BTBD9: variants seen among roughly 807,000 people sequenced by gnomAD.
BTBD9 encodes BTB/POZ domain-containing protein 9.
A neutral mutation model predicts 64.3 loss-of-function variants in BTBD9; 49 were observed. That is an observed-to-expected ratio of 0.76 (90% CI 0.61 to 0.97). The LOEUF is 0.97. Among genes scored for constraint, BTBD9 ranks in the 50% least tolerant of loss-of-function variants. BTBD9 has a pLI of 0.00. For synonymous variants in BTBD9, 260 were observed against 274.7 expected (o/e 0.95, Z 0.53); for missense variants, 598 against 762.1 (o/e 0.78, Z 2.53).
At chr6:38,475,271 A>G (rs1049682933) in intron 6 of BTBD9, among the ~76,000 whole-genome samples, 7 of 152,322 alleles carry the variant, frequency 4.6e-5, no homozygotes, top group African/African-American at 1.7e-4. Context: ...TCTATTTTCC[A>G]AATTTTCTTC....
intron 6 of BTBD9, among the ~76,000 whole-genome samples, chr6:38,474,734 T>C (rs868050647): frequency 3.8e-4 from 58 of 152,250 alleles, no homozygotes; most frequent in African/African-American, 1.3e-3. Flanking sequence ...CATAGAGATA[T>C]CCTCCTGTCT....
At chr6:38,525,733 C>T (rs887863895) in intron 6 of BTBD9, among the ~76,000 whole-genome samples, 7 of 152,188 alleles carry the variant, frequency 4.6e-5, no homozygotes, top group Admixed American at 4.6e-4. Context: ...GCACTGTGCT[C>T]CTGCTTTAGG....
At chr6:38,626,348 G>A (rs1034540039) in intron 1 of BTBD9, among the ~76,000 whole-genome samples, 16 of 152,056 alleles carry the variant, frequency 1.1e-4, no homozygotes, top group African/African-American at 3.9e-4. Context: ...TTAAATGTAC[G>A]ATTAAATTAT....
intron 8 of BTBD9, among the ~76,000 whole-genome samples, chr6:38,280,566 A>G (rs746710036): frequency 1.3e-5 from 2 of 152,230 alleles, no homozygotes; most frequent in Non-Finnish European, 2.9e-5. Flanking sequence ...CAGGCTATAA[A>G]AAGGAAATTT....
At chr6:38,329,169 T>C (rs566239913) in intron 7 of BTBD9, among the ~76,000 whole-genome samples, 117 of 152,250 alleles carry the variant, frequency 7.7e-4, no homozygotes, top group South Asian at 3.3e-3. Flanking sequence ...TGCCATATTA[T>C]TAGACATTCA....
chr6:38,378,458 G>A (rs1157240137), intron 6 of BTBD9, among the ~76,000 whole-genome samples: 1 of 151,492 alleles, frequency 6.6e-6, no homozygotes, highest in Non-Finnish European at 1.5e-5. Flanking sequence ...TGGCCAGGCT[G>A]GTCCTGACCT....
At chr6:38,638,230 C>T (rs571398468) in intron 1 of BTBD9, among the ~76,000 whole-genome samples, 13 of 152,272 alleles carry the variant, frequency 8.5e-5, no homozygotes, top group African/African-American at 3.1e-4. Context: ...GCACTGGTTA[C>T]CTGCTACTTA....
At chr6:38,564,836 G>A (rs1775415705) in intron 6 of BTBD9, among the ~76,000 whole-genome samples, 1 of 152,086 alleles carries the variant, frequency 6.6e-6, no homozygotes. Context: ...AGCTTGCAGT[G>A]AGCCGAGATT....
intron 9 of BTBD9, among the ~76,000 whole-genome samples, chr6:38,203,316 A>G (rs1762528034): frequency 1.3e-5 from 2 of 152,196 alleles, no homozygotes; most frequent in Admixed American, 1.3e-4. Flanking sequence ...AATTTTTAAA[A>G]ATCTAAAAGT....
Position 38,465,755 on chromosome 6 carries a change from ATG to A in BTBD9, c.1154+111843_1154+111844del, listed in dbSNP as rs1343344540. Among the ~76,000 whole-genome samples the A allele has an allele frequency of 2.3e-3, 85 of 36,964 alleles. 1 individual carries two copies. In the East Asian group the frequency reaches 0.069, roughly 30 times the overall value. 24.2% of individuals were successfully genotyped at this position (36,964 alleles called of 152,430 possible). A position where few individuals can be genotyped will look rare whatever the true frequency, so the allele number is the denominator to read the frequency against. ...TATATATATATATATATATATATAT[ATG>A]TATGTATGTATGTATTTCAGTTATT... On this transcript the variant is annotated intron_variant, in intron 6 of 10. Transcript: ENST00000481247.
At chr6:38,309,719 A>C (rs1013739873) in intron 7 of BTBD9, among the ~76,000 whole-genome samples, 2 of 151,480 alleles carry the variant, frequency 1.3e-5, no homozygotes, top group Non-Finnish European at 2.9e-5. Context: ...CCTATTTAAT[A>C]ATTTTTTTTA....
intron 6 of BTBD9, among the ~76,000 whole-genome samples, chr6:38,378,759 A>G (rs73424720): frequency 0.014 from 2,082 of 151,424 alleles, 44 homozygotes; most frequent in African/African-American, 0.047. Flanking sequence ...CTGTAATCTC[A>G]GCTACTCGGG....
intron 6 of BTBD9, among the ~76,000 whole-genome samples, chr6:38,372,621 G>A (rs982319081): frequency 1.3e-5 from 2 of 152,180 alleles, no homozygotes; most frequent in African/African-American, 2.4e-5. Flanking sequence ...TAGGGGCTAT[G>A]TTCTTGTCGT....
intron 2 of BTBD9, among the ~76,000 whole-genome samples, chr6:38,597,654 A>G (rs996695483): frequency 6.6e-6 from 1 of 152,178 alleles, no homozygotes. Flanking sequence ...AACATTCTTG[A>G]GACCTTGAAA....
chr6:38,183,606 C>T (rs780479575), intron 10 of BTBD9, among the ~76,000 whole-genome samples: 4 of 152,242 alleles, frequency 2.6e-5, no homozygotes, highest in African/African-American at 9.6e-5. Context: ...TTCTGAGGCA[C>T]CTGGCTTTGA....
intron 7 of BTBD9, among the ~76,000 whole-genome samples, chr6:38,301,248 T>A (rs1220619362): frequency 6.6e-6 from 1 of 152,250 alleles, no homozygotes; most frequent in East Asian, 1.9e-4. Flanking sequence ...GATGTGTTGC[T>A]GGATTCGGTT....
chr6:38,572,905 T>C (rs1241466517), intron 6 of BTBD9, among the ~76,000 whole-genome samples: 5 of 151,938 alleles, frequency 3.3e-5, no homozygotes, highest in African/African-American at 4.8e-5. Flanking sequence ...TTGAATACAT[T>C]TTTTAAAAAG....
rs567453023 is a variant in BTBD9, at chr6:38,625,964, A to G, written c.-28+13836T>C. Among the ~76,000 whole-genome samples the G allele has an allele frequency of 1.3e-4, 20 of 152,370 alleles. 1 individual carries two copies. In the South Asian group the frequency reaches 3.9e-3, roughly 30 times the overall value. On this transcript the variant is annotated intron_variant, in intron 1 of 10. Transcript: ENST00000481247. ...TTGCACTGACAACAAATTACACTCC[A>G]TTCAGGAACAGGAGTCACCTGAAGG...
chr6:38,192,637 A>G (rs2127485548), intron 9 of BTBD9, 40 bp from the exon 10 acceptor site: 1 of 1,571,432 alleles, frequency 6.4e-7, no homozygotes, highest in South Asian at 1.1e-5. Flanking sequence ...TAGATGGTGC[A>G]GTTGACTCTC....
Sources: gnomAD v4.1 joint callset for allele counts (sites outside exome capture counted in the v4.1 genomes callset) on GRCh38, gnomAD v4.1.1 for gene constraint, MANE v1.5 for transcripts, NCBI Gene and HGNC (gene_info 2026-07-23, HGNC 2026-07-21) for gene names.